The following KIZ variants were observed in gnomAD, a reference collection of about 807,000 sequenced individuals.
KIZ encodes centrosomal protein kizuna.
KIZ carries 68 observed loss-of-function variants against 79.6 expected under a neutral mutation model. The observed-to-expected ratio is 0.85, with a 90% CI of 0.70 to 1.05. KIZ has a LOEUF of 1.05. Ranked by LOEUF, KIZ falls within the 50% of genes least tolerant of loss-of-function variation. The probability of loss-of-function intolerance (pLI) is 0.00; values close to 1 mark genes in which losing one functional copy is unlikely to be tolerated. For missense variants in KIZ, 797 were observed against 800.4 expected, an observed-to-expected ratio of 1.00 and a Z score of 0.05; for synonymous variants, 280 against 281.8, an observed-to-expected ratio of 0.99 and a Z score of 0.06.
At chr20:21,208,479 G>A (rs2035931897) in intron 7 of KIZ, among the ~76,000 whole-genome samples, 1 of 152,154 alleles carries the variant, frequency 6.6e-6, no homozygotes, top group South Asian at 2.1e-4. Context: ...CGAGGTGGGC[G>A]GATCACAAGG....
intron 3 of KIZ, among the ~76,000 whole-genome samples, chr20:21,142,003 C>G (rs557148649): frequency 4.6e-5 from 7 of 151,502 alleles, no homozygotes; most frequent in Admixed American, 1.3e-4. Flanking sequence ...TTCTTGCCCC[C>G]AAATCTGTCT....
rs139563625 is a variant in KIZ at position 21,243,976 on chromosome 20, A to G, written c.1881-269A>G. ...CTCCCCCAAGAACACGTGGCCCCACACAGGCACAGCTCAGCAGGGCGGGGT... is the reference window on the plus strand; with the variant it reads ...CTCCCCCAAGAACACGTGGCCCCACGCAGGCACAGCTCAGCAGGGCGGGGT... On this transcript the variant is annotated intron_variant, in intron 11 of 12. Transcript: ENST00000619189. Among the ~76,000 whole-genome samples the G allele has an allele frequency of 1.1e-4, 16 of 152,302 alleles. No individual in the cohort carries two copies. In the East Asian group the frequency reaches 3.1e-3, roughly 29 times the overall value.
intron 6 of KIZ, among the ~76,000 whole-genome samples, chr20:21,183,195 G>A (rs913803921): frequency 6.6e-6 from 1 of 152,176 alleles, no homozygotes; most frequent in Non-Finnish European, 1.5e-5. Context: ...TGTGACTGGT[G>A]GGTTAAAATG....
At chr20:21,234,470 C>T (rs1267282075) in intron 11 of KIZ, among the ~76,000 whole-genome samples, 3 of 151,780 alleles carry the variant, frequency 2.0e-5, no homozygotes, top group African/African-American at 4.8e-5. Context: ...CTGTTTGTCA[C>T]GGTTTGGTTC....
At chr20:21,211,939 A>G (rs2036085560) in intron 7 of KIZ, among the ~76,000 whole-genome samples, 1 of 152,136 alleles carries the variant, frequency 6.6e-6, no homozygotes, top group African/African-American at 2.4e-5. Flanking sequence ...AAATACAAAA[A>G]TTAGCCTGGT....
At chr20:21,234,481 T>A (rs989239709) in intron 11 of KIZ, among the ~76,000 whole-genome samples, 2 of 152,062 alleles carry the variant, frequency 1.3e-5, no homozygotes, top group African/African-American at 4.8e-5. Flanking sequence ...GGTTTGGTTC[T>A]TGTGCTGGGC....
chr20:21,182,846 C>A (rs1405819820), intron 6 of KIZ, among the ~76,000 whole-genome samples: 9 of 149,620 alleles, frequency 6.0e-5, no homozygotes, highest in Non-Finnish European at 1.2e-4. Context: ...TTTTAGACTT[C>A]TTTTCTCCTC....
At chr20:21,182,273 AG>A (rs1164726206) in intron 6 of KIZ, among the ~76,000 whole-genome samples, 2 of 152,202 alleles carry the variant, frequency 1.3e-5, no homozygotes, top group Admixed American at 1.3e-4. Flanking sequence ...GTGAGGAGTC[AG>A]AAGGTGGATA....
chr20:21,126,328 C>T (rs2031465512), intron 1 of KIZ, 124 bp downstream of exon 1: 3 of 578,254 alleles, frequency 5.2e-6, no homozygotes, highest in East Asian at 7.0e-5. Context: ...CGCGCAACGC[C>T]CCCCAGGCTC....
intron 9 of KIZ, among the ~76,000 whole-genome samples, chr20:21,217,311 C>T (rs150332291): frequency 1.3e-5 from 2 of 152,326 alleles, no homozygotes; most frequent in East Asian, 1.9e-4. Flanking sequence ...ATTGCAGCTA[C>T]TTTGATCTCT....
intron 6 of KIZ, among the ~76,000 whole-genome samples, chr20:21,168,956 A>G (rs1362275802): frequency 2.0e-5 from 3 of 152,154 alleles, no homozygotes; most frequent in African/African-American, 4.8e-5. Context: ...AGACTTAAAC[A>G]TTAGACCTAA....
intron 6 of KIZ, among the ~76,000 whole-genome samples, chr20:21,190,105 C>T (rs1481556622): frequency 6.6e-6 from 1 of 152,210 alleles, no homozygotes; most frequent in Non-Finnish European, 1.5e-5. Flanking sequence ...TTCCAGCCAT[C>T]GGGTGTCAGG....
At chr20:21,143,022 G>C (rs1040493980) in intron 3 of KIZ, among the ~76,000 whole-genome samples, 6 of 152,104 alleles carry the variant, frequency 3.9e-5, no homozygotes, top group Non-Finnish European at 5.9e-5. Context: ...AAAGTGTCTT[G>C]CCTGTTAATA....
intron 6 of KIZ, among the ~76,000 whole-genome samples, chr20:21,187,639 G>A (rs73903118): frequency 0.094 from 14,274 of 152,076 alleles, 1,143 homozygotes; most frequent in African/African-American, 0.21. Context: ...AAACACACGT[G>A]TATATATGGA....
At chr20:21,140,777 G>A (rs979362567) in intron 3 of KIZ, among the ~76,000 whole-genome samples, 2 of 151,986 alleles carry the variant, frequency 1.3e-5, no homozygotes, top group African/African-American at 4.8e-5. Flanking sequence ...CCAGGAATTC[G>A]AGACCAGCCT....
At chr20:21,161,812 A>AAG in intron 4 of KIZ, 59 bp from the exon 5 acceptor site, 7 of 1,219,288 alleles carry the variant, frequency 5.7e-6, no homozygotes, top group Middle Eastern at 2.0e-4. Flanking sequence ...AAAAAAAAAA[A>AAG]ACCCCACCTA....
chr20:21,163,112 C>G lies in KIZ; in HGVS notation c.1305C>G (p.Ser435Arg), dbSNP rs1600421474. 2 of 1,613,514 alleles carry G rather than the reference C, an allele frequency of 1.2e-6. No individual in the cohort carries two copies. The highest frequency in any genetic ancestry group is 1.3e-5 in the African/African-American group (1 of 74,988). ...AAAATTGTATTTTGCAAACCCTAAG[C>G]TCTCCTGATTCAGAAAAGGAATCCT... ...TEKNCILQTLSSPDSEKESST... is the reference protein window; with the variant it reads ...TEKNCILQTLRSPDSEKESST... Residue 435 changes from serine (S) to arginine (R), a missense_variant, in exon 6 of 13, where the codon AGC (serine) becomes AGG (arginine). Transcript: ENST00000619189.
intron 10 of KIZ, among the ~76,000 whole-genome samples, chr20:21,230,521 T>TA (rs974471348): frequency 2.0e-5 from 3 of 152,164 alleles, no homozygotes; most frequent in Admixed American, 2.0e-4. Context: ...GGGACATACT[T>TA]ACAGTACATC....
intron 1 of KIZ, among the ~76,000 whole-genome samples, chr20:21,130,393 T>A (rs957337049): frequency 1.3e-5 from 2 of 152,222 alleles, no homozygotes; most frequent in African/African-American, 4.8e-5. Context: ...TCTTCCTTTC[T>A]TTGTAATTTA....
Sources: allele counts gnomAD v4.1 joint callset (sites outside exome capture counted in the v4.1 genomes callset), GRCh38; gene constraint gnomAD v4.1.1; transcripts MANE v1.5; gene names NCBI Gene and HGNC (gene_info 2026-07-23, HGNC 2026-07-21).